ZNRF2: variants seen among roughly 807,000 people sequenced by gnomAD.
ZNRF2 encodes the protein zinc and ring finger 2.
Under a neutral mutation model 20.4 loss-of-function variants are expected in ZNRF2, and 16 were observed. The observed-to-expected ratio is 0.79, with a 90% CI of 0.53 to 1.19. The LOEUF (loss-of-function observed/expected upper bound fraction) is 1.19, where lower values mean the gene tolerates loss of function less well. Among genes scored for constraint, ZNRF2 ranks in the 50% most tolerant of loss-of-function variants. ZNRF2 has a pLI of 0.00. For synonymous variants in ZNRF2, 178 were observed against 144.9 expected (o/e 1.23, Z -1.64); for missense variants, 363 against 332.4 (o/e 1.09, Z -0.72).
chr7:30,344,214 G>A (rs1186165599), intron 2 of ZNRF2, among the ~76,000 whole-genome samples: 7 of 150,128 alleles, frequency 4.7e-5, no homozygotes, highest in Non-Finnish European at 1.0e-4. Context: ...GAGCCACTGC[G>A]CCCGGCCCCA....
intron 2 of ZNRF2, among the ~76,000 whole-genome samples, chr7:30,326,618 AC>A (rs1799556730): frequency 2.0e-5 from 3 of 152,148 alleles, no homozygotes; most frequent in Non-Finnish European, 4.4e-5. Context: ...GTGTCTTATA[AC>A]ACAAGGATTT....
At chr7:30,330,081 A>G (rs1799614592) in intron 2 of ZNRF2, among the ~76,000 whole-genome samples, 2 of 152,198 alleles carry the variant, frequency 1.3e-5, no homozygotes, top group Admixed American at 1.3e-4. Context: ...ACTATACCTG[A>G]TTATGGTATA....
At chr7:30,344,902 A>T (rs925328541) in intron 2 of ZNRF2, among the ~76,000 whole-genome samples, 1 of 152,196 alleles carries the variant, frequency 6.6e-6, no homozygotes, top group African/African-American at 2.4e-5. Context: ...CATTTTAAGC[A>T]TTCTTCTGGT....
In ZNRF2 at chr7:30,284,911, A is replaced by G. The variant is rs1259392024; in HGVS notation, c.-447A>G. 2 of 245,860 alleles carry G rather than the reference A, an allele frequency of 8.1e-6. No homozygotes were observed. Among genetic ancestry groups the G allele is most frequent in the Non-Finnish European group, 1.7e-5 (2 of 120,406 alleles). The allele number at this position is 245,860 out of a possible 1,614,324, so 15.2% of individuals were successfully genotyped here. A position where few individuals can be genotyped will look rare whatever the true frequency, so the allele number is the denominator to read the frequency against. ...GGCGGGCGCCTCCCACTCAGCCGCC[A>G]GCCGCCGTGGGAGCCGGAGGATGGC... On this transcript the variant is annotated 5_prime_UTR_variant, in exon 1 of 5. Transcript: ENST00000323037.
At chr7:30,349,771 G>C (rs1476742018) in intron 2 of ZNRF2, among the ~76,000 whole-genome samples, 1 of 151,980 alleles carries the variant, frequency 6.6e-6, no homozygotes, top group Non-Finnish European at 1.5e-5. Context: ...CCTAGTGATT[G>C]AATAGAAATG....
intron 1 of ZNRF2, among the ~76,000 whole-genome samples, chr7:30,312,729 G>A (rs1054698476): frequency 1.3e-5 from 2 of 152,044 alleles, no homozygotes; most frequent in African/African-American, 4.8e-5. Flanking sequence ...GTTTTTATTT[G>A]AAAGTCCTAA....
At chr7:30,358,797 G>A (rs570746000) in intron 3 of ZNRF2, among the ~76,000 whole-genome samples, 19 of 152,338 alleles carry the variant, frequency 1.2e-4, no homozygotes, top group South Asian at 8.3e-4. Context: ...TTGAAGTCAA[G>A]ACACTCAGCA....
intron 1 of ZNRF2, among the ~76,000 whole-genome samples, chr7:30,304,240 TA>T (rs912671432): frequency 2.6e-4 from 40 of 151,990 alleles, no homozygotes; most frequent in African/African-American, 8.2e-4. Flanking sequence ...TTTTTAAGAT[TA>T]AAAAAAATGC....
At chr7:30,328,413 T>G (rs1799585592) in intron 2 of ZNRF2, among the ~76,000 whole-genome samples, 1 of 152,216 alleles carries the variant, frequency 6.6e-6, no homozygotes. Flanking sequence ...TACTGTTCAT[T>G]TAACTTACAC....
intron 2 of ZNRF2, among the ~76,000 whole-genome samples, chr7:30,338,815 G>A (rs912998346): frequency 1.3e-5 from 2 of 152,062 alleles, no homozygotes; most frequent in African/African-American, 4.8e-5. Flanking sequence ...TGTGTCAAAT[G>A]GTATTTCTGG....
intron 1 of ZNRF2, among the ~76,000 whole-genome samples, chr7:30,295,850 C>A (rs1316915379): frequency 1.3e-5 from 2 of 152,238 alleles, no homozygotes; most frequent in Non-Finnish European, 2.9e-5. Context: ...TGCCGCACTT[C>A]CAGTCTCACC....
chr7:30,328,788 T>C (rs1453450973), intron 2 of ZNRF2, among the ~76,000 whole-genome samples: 2 of 152,202 alleles, frequency 1.3e-5, no homozygotes, highest in Admixed American at 1.3e-4. Flanking sequence ...ATTGGGCAGC[T>C]GGCTCGGCAG....
At chr7:30,321,906 T>G (rs1177386838) in intron 1 of ZNRF2, among the ~76,000 whole-genome samples, 1 of 152,166 alleles carries the variant, frequency 6.6e-6, no homozygotes, top group Non-Finnish European at 1.5e-5. Context: ...GTGTCTAATC[T>G]TTTGGCTTCC....
chr7:30,299,411 CTA>C, intron 1 of ZNRF2, among the ~76,000 whole-genome samples: 1 of 145,088 alleles, frequency 6.9e-6, no homozygotes, highest in East Asian at 2.0e-4. Context: ...AAGGGCGAAA[CTA>C]TGTCTCAAAA....
chr7:30,337,838 A>G (rs1354822232), intron 2 of ZNRF2, among the ~76,000 whole-genome samples: 3 of 152,130 alleles, frequency 2.0e-5, no homozygotes, highest in African/African-American at 7.2e-5. Flanking sequence ...GCAAAGAGAT[A>G]CAAAGTATGC....
chr7:30,285,686 C>T lies in ZNRF2; in HGVS notation c.329C>T (p.Pro110Leu), dbSNP rs777225411. Residue 110 changes from proline (P) to leucine (L), a missense_variant, in exon 1 of 5, where the codon CCG becomes CTG. Transcript: ENST00000323037. ...AGCATCCCGAACAGCAGCAGCGGCC[C>T]GTACGGCTCGCAGGACTCGGTGCAC... ...PFSIPNSSSG[P>L]YGSQDSVHSS... 2.1e-6 allele frequency: 3 copies of T among 1,460,572 alleles called. No individual in the cohort carries two copies. The highest frequency in any genetic ancestry group is 2.7e-6 in the Non-Finnish European group (3 of 1,113,176). The allele number at this position is 1,460,572 out of a possible 1,614,324, so 90.5% of individuals were successfully genotyped here.
At chr7:30,318,023 C>A (rs1283660837) in intron 1 of ZNRF2, among the ~76,000 whole-genome samples, 1 of 152,050 alleles carries the variant, frequency 6.6e-6, no homozygotes, top group Non-Finnish European at 1.5e-5. Flanking sequence ...TTATTGCCTT[C>A]TGGAAATAAA....
intron 3 of ZNRF2, among the ~76,000 whole-genome samples, chr7:30,357,960 T>TC (rs1330553093): frequency 1.3e-5 from 2 of 152,048 alleles, no homozygotes; most frequent in East Asian, 3.8e-4. Context: ...CAAACCCAAC[T>TC]CAACAATAAG....
intron 1 of ZNRF2, among the ~76,000 whole-genome samples, chr7:30,288,232 G>C (rs1798831829): frequency 6.6e-6 from 1 of 152,094 alleles, no homozygotes; most frequent in Non-Finnish European, 1.5e-5. Flanking sequence ...TGTTTATTCA[G>C]TTACAAATTG....
Sources: allele counts gnomAD v4.1 joint callset (sites outside exome capture counted in the v4.1 genomes callset), GRCh38; gene constraint gnomAD v4.1.1; transcripts MANE v1.5; gene names NCBI Gene and HGNC (gene_info 2026-07-23, HGNC 2026-07-21).